CGNL1: variants seen among roughly 807,000 people sequenced by gnomAD.
CGNL1 encodes the protein cingulin like 1.
Under a neutral mutation model 141.2 loss-of-function variants are expected in CGNL1, and 132 were observed. The observed-to-expected ratio is 0.93, with a 90% CI of 0.81 to 1.08. The LOEUF (loss-of-function observed/expected upper bound fraction) is 1.08, where lower values mean the gene tolerates loss of function less well. Ranked by LOEUF, CGNL1 falls within the 50% of genes least tolerant of loss-of-function variation. CGNL1 has a pLI of 0.00. For missense variants in CGNL1, 1,870 were observed against 1,588.6 expected (o/e 1.18, Z -3.01); for synonymous variants, 690 against 622.1 (o/e 1.11, Z -1.63).
chr15:57,450,641 G>A (rs2063311310), intron 4 of CGNL1, among the ~76,000 whole-genome samples: 2 of 152,182 alleles, frequency 1.3e-5, no homozygotes, highest in African/African-American at 2.4e-5. Context: ...TTATTGTGCT[G>A]TGGTTTGGAA....
intron 8 of CGNL1, among the ~76,000 whole-genome samples, chr15:57,472,883 A>G (rs78194522): frequency 1.5e-3 from 223 of 152,318 alleles, no homozygotes; most frequent in African/African-American, 4.9e-3. Flanking sequence ...GGCTTTTATA[A>G]TGGGTCAGCG....
intron 1 of CGNL1, among the ~76,000 whole-genome samples, chr15:57,417,978 A>G (rs1174994072): frequency 6.6e-6 from 1 of 152,074 alleles, no homozygotes; most frequent in Non-Finnish European, 1.5e-5. Flanking sequence ...TTGCATACGA[A>G]CAGGGGTGGA....
Position 57,412,037 on chromosome 15 carries a change from G to A in CGNL1, c.-15-25948G>A, listed in dbSNP as rs778255387. Among the ~76,000 whole-genome samples the A allele has an allele frequency of 7.2e-5, 11 of 152,186 alleles. No individual in the cohort carries two copies. In the South Asian group the frequency reaches 1.4e-3, roughly 20 times the overall value. On this transcript the variant is annotated intron_variant, in intron 1 of 18. Transcript: ENST00000281282. Reference sequence around the variant, plus strand: ...CAGAGCTTCTTGTTGTGTGACATTCGCAGGTTTCCTTTTGGGACAGGTTTG... The same window carrying A: ...CAGAGCTTCTTGTTGTGTGACATTCACAGGTTTCCTTTTGGGACAGGTTTG...
chr15:57,473,028 G>A (rs2063602385), intron 8 of CGNL1, among the ~76,000 whole-genome samples: 2 of 152,138 alleles, frequency 1.3e-5, no homozygotes, highest in African/African-American at 4.8e-5. Flanking sequence ...GGAAGTGTGA[G>A]TAACAAAGGA....
At chr15:57,530,846 G>A (rs1413247408) in intron 13 of CGNL1, among the ~76,000 whole-genome samples, 1 of 152,150 alleles carries the variant, frequency 6.6e-6, no homozygotes, top group Admixed American at 6.5e-5. Flanking sequence ...ATCCACTTTG[G>A]CAATTGCAGA....
chr15:57,539,824 C>T (rs1157995089), intron 14 of CGNL1, among the ~76,000 whole-genome samples: 1 of 152,124 alleles, frequency 6.6e-6, no homozygotes, highest in African/African-American at 2.4e-5. Context: ...CCTTGGTGGG[C>T]TCACCTGTTC....
At chr15:57,489,197 T>C (rs2063824849) in intron 8 of CGNL1, among the ~76,000 whole-genome samples, 1 of 152,246 alleles carries the variant, frequency 6.6e-6, no homozygotes. Flanking sequence ...ATTACACTTA[T>C]GCACACCCAT....
At chr15:57,451,834 C>T (rs1350132444) in intron 5 of CGNL1, among the ~76,000 whole-genome samples, 1 of 151,830 alleles carries the variant, frequency 6.6e-6, no homozygotes, top group East Asian at 1.9e-4. Context: ...GTAAAAGAAA[C>T]CCTGTTGGAT....
At chr15:57,529,913 C>G (rs1329285380) in intron 13 of CGNL1, among the ~76,000 whole-genome samples, 3 of 152,166 alleles carry the variant, frequency 2.0e-5, no homozygotes, top group Non-Finnish European at 4.4e-5. Flanking sequence ...CTAGAATAAC[C>G]TGATTACAGT....
At chr15:57,452,388 T>G in intron 6 of CGNL1, 99 bp downstream of exon 6, 1 of 1,090,172 alleles carries the variant, frequency 9.2e-7, no homozygotes. Flanking sequence ...CTTCCAAATA[T>G]TTATAAAGGC....
At position 57,543,786 on chromosome 15, in the gene CGNL1, G is replaced by T; in HGVS notation, c.3375+7G>T. 1 of 1,611,140 alleles carries T rather than the reference G, an allele frequency of 6.2e-7. No individual in the cohort carries two copies. Among genetic ancestry groups the T allele is most frequent in the Non-Finnish European group, 8.5e-7 (1 of 1,177,622 alleles). On this transcript the variant is annotated splice_region_variant and intron_variant, in intron 15 of 18. Transcript: ENST00000281282. ...GATTTCCCTGGAGAGGCAGGTGAGGGCAGCCAGCCTGTGAGCTGCCCCCCC... is the reference window on the plus strand; with the variant it reads ...GATTTCCCTGGAGAGGCAGGTGAGGTCAGCCAGCCTGTGAGCTGCCCCCCC...
intron 8 of CGNL1, among the ~76,000 whole-genome samples, chr15:57,480,729 A>T (rs769150666): frequency 6.6e-6 from 1 of 152,188 alleles, no homozygotes; most frequent in Non-Finnish European, 1.5e-5. Flanking sequence ...ACTAATATTC[A>T]TTAAAAAAAA....
At position 57,502,220 on chromosome 15, in the gene CGNL1, C is replaced by T. The variant is rs149906975; in HGVS notation, c.2404-14560C>T. The stretch of plus-strand genomic sequence containing the variant: ...GGGTTTTAAGTTTTTGGAAGGCTCT[C>T]GTTTGGAGGAAGGACACACTAAACC... On this transcript the variant is annotated intron_variant, in intron 8 of 18. Coordinates refer to ENST00000281282, the MANE Select transcript of CGNL1 (RefSeq NM_032866.5). Among the ~76,000 whole-genome samples the T allele has an allele frequency of 6.6e-5, 10 of 152,214 alleles. No individual in the cohort carries two copies. In the East Asian group the frequency reaches 9.6e-4, roughly 15 times the overall value.
At chr15:57,436,332 T>C (rs1217447786) in intron 1 of CGNL1, among the ~76,000 whole-genome samples, 27 of 152,190 alleles carry the variant, frequency 1.8e-4, no homozygotes, top group Non-Finnish European at 2.9e-5. Flanking sequence ...CCAGGAAAGC[T>C]ATTTAAAAAG....
At chr15:57,469,843 C>G (rs2063557354) in intron 8 of CGNL1, among the ~76,000 whole-genome samples, 1 of 152,120 alleles carries the variant, frequency 6.6e-6, no homozygotes. Flanking sequence ...TAGTTTTGTC[C>G]CTTCCCTCTT....
At chr15:57,546,330 C>T in intron 18 of CGNL1, 91 bp downstream of exon 18, 2 of 1,386,416 alleles carry the variant, frequency 1.4e-6, no homozygotes, top group Non-Finnish European at 1.9e-6. Context: ...CCTGTTGTCT[C>T]AAGCCAGCTC....
chr15:57,397,409 C>G (rs1191358784), intron 1 of CGNL1, among the ~76,000 whole-genome samples: 1 of 152,182 alleles, frequency 6.6e-6, no homozygotes, highest in African/African-American at 2.4e-5. Context: ...CTTACTGACT[C>G]CTGAACTAGG....
intron 1 of CGNL1, among the ~76,000 whole-genome samples, chr15:57,406,298 C>G (rs2062722243): frequency 6.6e-6 from 1 of 152,088 alleles, no homozygotes; most frequent in Admixed American, 6.5e-5. Context: ...GGCCCTAAGG[C>G]ATGAAGCATA....
intron 1 of CGNL1, among the ~76,000 whole-genome samples, chr15:57,421,181 C>T (rs1209048730): frequency 6.6e-6 from 1 of 152,170 alleles, no homozygotes; most frequent in Non-Finnish European, 1.5e-5. Context: ...ACCTGCAAGC[C>T]AGGAAGAGAG....
Sources: gnomAD v4.1 joint callset for allele counts (sites outside exome capture counted in the v4.1 genomes callset) on GRCh38, gnomAD v4.1.1 for gene constraint, MANE v1.5 for transcripts, NCBI Gene and HGNC (gene_info 2026-07-23, HGNC 2026-07-21) for gene names.